The following MIOS variants were observed in gnomAD, a reference collection of about 807,000 sequenced individuals.
The protein encoded by MIOS is GATOR2 complex protein MIOS.
In MIOS, 52 loss-of-function variants were observed where a neutral mutation model predicts 96.9. The ratio of observed to expected loss-of-function variants is 0.54; its 90% confidence interval spans 0.43 to 0.68. MIOS has a LOEUF of 0.68. Ranked by LOEUF, MIOS falls within the 30% of genes least tolerant of loss-of-function variation. MIOS has a pLI of 0.00. For missense variants in MIOS, 1,005 were observed against 1,052.8 expected, an observed-to-expected ratio of 0.95 and a Z score of 0.63; for synonymous variants, 397 against 359.5, an observed-to-expected ratio of 1.10 and a Z score of -1.18.
chr7:7,584,137 T>C (rs1257872559), intron 6 of MIOS, among the ~76,000 whole-genome samples: 18 of 152,186 alleles, frequency 1.2e-4, no homozygotes, highest in Admixed American at 1.2e-3. Context: ...CATTATAGTT[T>C]AGCTGTAGCA....
At chr7:7,580,558 A>G (rs998696251) in intron 5 of MIOS, among the ~76,000 whole-genome samples, 1 of 152,228 alleles carries the variant, frequency 6.6e-6, no homozygotes, top group Non-Finnish European at 1.5e-5. Flanking sequence ...GCAATCGGAT[A>G]TAATTTAAAA....
chr7:7,571,980 A>G (rs757017192), intron 3 of MIOS, among the ~76,000 whole-genome samples: 1 of 152,192 alleles, frequency 6.6e-6, no homozygotes, highest in Non-Finnish European at 1.5e-5. Context: ...TGGCTACCAT[A>G]TTGGACAGCA....
chr7:7,609,057 T>G (rs1784599264), downstream of MIOS: 1 of 152,118 alleles, frequency 6.6e-6, no homozygotes, highest in African/African-American at 2.4e-5. Context: ...ATACTTTACC[T>G]AAACATGATC....
intron 7 of MIOS, 108 bp downstream of exon 7, chr7:7,585,913 G>T: frequency 9.8e-7 from 1 of 1,023,488 alleles, no homozygotes; most frequent in Non-Finnish European, 1.3e-6. Flanking sequence ...ATATTTTTAT[G>T]CATATGTTAT....
Position 7,585,745 on chromosome 7 carries a change from G to T in MIOS, c.1758G>T (p.Pro586=). 6.2e-7 allele frequency: 1 copy of T among 1,612,008 alleles called. No homozygotes were observed. Among genetic ancestry groups the T allele is most frequent in the Non-Finnish European group, 8.5e-7 (1 of 1,179,058 alleles). Reference sequence around the variant, plus strand: ...CACTGCGATTACAGCTAAATAACCCGTATTTGTGTGTCATGTTTGCATTTC... The same window carrying T: ...CACTGCGATTACAGCTAAATAACCCTTATTTGTGTGTCATGTTTGCATTTC... ...CSTLRLQLNN[P]YLCVMFAFLT... The change falls in exon 7 of 13, where the codon CCG becomes CCT. Residue 586 remains proline, a synonymous_variant. Transcript: ENST00000340080.
chr7:7,582,374 G>A (rs569995173), intron 5 of MIOS, among the ~76,000 whole-genome samples: 6 of 152,030 alleles, frequency 3.9e-5, no homozygotes, highest in South Asian at 4.1e-4. Context: ...ATCTTTATTC[G>A]TTTTGACTTT....
At chr7:7,575,313 G>A (rs972228828) in intron 5 of MIOS, among the ~76,000 whole-genome samples, 7 of 152,018 alleles carry the variant, frequency 4.6e-5, no homozygotes, top group African/African-American at 1.4e-4. Flanking sequence ...TTACATTATA[G>A]TGTTTTTTTA....
intron 9 of MIOS, among the ~76,000 whole-genome samples, chr7:7,593,897 A>G (rs1194419240): frequency 3.7e-4 from 34 of 92,962 alleles, no homozygotes; most frequent in Middle Eastern, 5.0e-3. Flanking sequence ...AAAAAAAAAG[A>G]AAAAGAAAAG....
At chr7:7,567,730 A>G (rs1444921705) in intron 2 of MIOS, 42 bp downstream of exon 2, 1 of 152,200 alleles carries the variant, frequency 6.6e-6, no homozygotes, top group Non-Finnish European at 1.5e-5. Flanking sequence ...ATGTGGTTGG[A>G]TCCTTTGTAC....
At chr7:7,579,948 CATG>C (rs1783659537) in intron 5 of MIOS, among the ~76,000 whole-genome samples, 1 of 152,144 alleles carries the variant, frequency 6.6e-6, no homozygotes. Flanking sequence ...TGTTCCATGA[CATG>C]ATTTCTATAA....
chr7:7,603,201 C>T (rs928934470), intron 11 of MIOS, among the ~76,000 whole-genome samples: 10 of 151,844 alleles, frequency 6.6e-5, no homozygotes, highest in Non-Finnish European at 1.5e-5. Flanking sequence ...CAACAAAAGC[C>T]AAAATTGACA....
At chr7:7,603,921 A>G (rs1475456671) in intron 11 of MIOS, among the ~76,000 whole-genome samples, 1 of 152,114 alleles carries the variant, frequency 6.6e-6, no homozygotes, top group Non-Finnish European at 1.5e-5. Context: ...AGGGACATGG[A>G]TGAAGCTGGA....
At chr7:7,605,919 A>T in intron 11 of MIOS, 23 bp from the exon 12 acceptor site, 1 of 1,604,570 alleles carries the variant, frequency 6.2e-7, no homozygotes, top group Non-Finnish European at 8.5e-7. Flanking sequence ...ATAGTTAATG[A>T]AGATCATTTT....
rs1256578653 is a variant in MIOS, at chr7:7,583,436, TAAAGA to T, written c.1648+70_1648+74del. ...GATGTTAGCAGTTCATGGAATCTTT[TAAAGA>T]AAAGAGGCTAATAATTTTCAAATAT... On this transcript the variant is annotated intron_variant, in intron 6 of 12. Transcript: ENST00000340080. The T allele has an allele frequency of 1.0e-5, 15 of 1,437,428 alleles. No homozygotes were observed. The Admixed American group carries it at 1.3e-4, about 12-fold the overall frequency. 89.0% of individuals were successfully genotyped at this position (1,437,428 alleles called of 1,614,324 possible).
At chr7:7,602,173 A>G (rs1001324163) in intron 11 of MIOS, among the ~76,000 whole-genome samples, 1 of 152,246 alleles carries the variant, frequency 6.6e-6, no homozygotes, top group Non-Finnish European at 1.5e-5. Context: ...CAAGACAGGG[A>G]TGCCCTCTCT....
At chr7:7,600,607 CAAT>C (rs1284548516) in intron 11 of MIOS, among the ~76,000 whole-genome samples, 6 of 152,146 alleles carry the variant, frequency 3.9e-5, no homozygotes, top group South Asian at 2.1e-4. Context: ...GACTCCCACA[CAAT>C]AATAATGGGA....
At position 7,573,391 on chromosome 7, in the gene MIOS, G is replaced by A. The variant is rs568156310; in HGVS notation, c.916G>A (p.Gly306Arg). The A allele has an allele frequency of 1.7e-5, 28 of 1,614,102 alleles. No individual in the cohort carries two copies. The South Asian group carries it at 2.6e-4, about 15-fold the overall frequency. The stretch of plus-strand genomic sequence containing the variant: ...TATGCAGCATACACCCACTCCCATT[G>A]GGGATGAAACTGAACCCACAATAAT... Reference protein sequence around the residue: ...YDMQHTPTPIGDETEPTIIER... With the variant: ...YDMQHTPTPIRDETEPTIIER... The change falls in exon 4 of 13, where the codon GGG becomes AGG. Residue 306 changes from glycine (G) to arginine (R), a missense_variant. Physicochemically the swap from Gly to Arg is moderately radical, Grantham distance 125. Around this residue, in one of 3 missense-constraint regions of MIOS, gnomAD observed 865 missense variants for 887.9 expected, o/e 0.97. Coordinates refer to ENST00000340080, the MANE Select transcript of MIOS (RefSeq NM_019005.4). This position sits in a 1 kb window ranked among gnomAD's most constrained non-coding sequence, Gnocchi z 5.0.
At position 7,573,608 on chromosome 7, in the gene MIOS, C is replaced by T. The variant is rs1309728297; in HGVS notation, c.1133C>T (p.Thr378Met). The change falls in exon 4 of 13, where the codon ACG becomes ATG. Residue 378 changes from threonine (T) to methionine (M), a missense_variant. Physicochemically the swap from Thr to Met is moderately conservative, Grantham distance 81 (BLOSUM62 -1). Transcript: ENST00000340080. The surrounding 1 kb of genome is among the most constrained non-coding windows in gnomAD (Gnocchi z 5.0). ...WACGRHLYEC[T>M]EEENDNSLEK... Reference sequence around the variant, plus strand: ...TGTGGTCGTCATTTATATGAATGTACGGAAGAAGAAAATGATAATTCTTTA... The same window carrying T: ...TGTGGTCGTCATTTATATGAATGTATGGAAGAAGAAAATGATAATTCTTTA... The T allele has an allele frequency of 1.3e-5, 21 of 1,613,792 alleles. No homozygotes were observed. Among genetic ancestry groups the T allele is most frequent in the East Asian group, 1.1e-4 (5 of 44,890 alleles).
Position 7,588,530 on chromosome 7 carries a change from G to T in MIOS, c.1851G>T (p.Val617=), listed in dbSNP as rs766461844. ...ACAAAGTTGCAGTACGTGACAGAGT[G>T]GCATTTGCTTGTAAATTCCTTAGTG... is the stretch of plus-strand genomic sequence containing the variant. ...YENKVAVRDR[V]AFACKFLSDT... is the part of the protein sequence containing the mutation. Residue 617 remains valine, a synonymous_variant, in exon 8 of 13, where the codon GTG becomes GTT. Coordinates refer to ENST00000340080, the MANE Select transcript of MIOS (RefSeq NM_019005.4). The T allele has an allele frequency of 7.5e-6, 12 of 1,593,060 alleles. No individual in the cohort carries two copies. In the Admixed American group the frequency reaches 1.2e-4, roughly 16 times the overall value.
Sources: gnomAD v4.1 joint callset for allele counts (sites outside exome capture counted in the v4.1 genomes callset) on GRCh38, gnomAD v4.1.1 for gene constraint, gnomAD v4.1.1 regional missense constraint, Gnocchi (gnomAD v3.1) non-coding constraint, MANE v1.5 for transcripts, NCBI Gene and HGNC (gene_info 2026-07-23, HGNC 2026-07-21) for gene names.